Variants in USP9Y observed in about 807,000 individuals in gnomAD.
USP9Y encodes the protein ubiquitin specific peptidase 9 Y-linked.
Under a neutral mutation model 53.1 loss-of-function variants are expected in USP9Y, and 41 were observed. The observed-to-expected ratio is 0.77, with a 90% confidence interval of 0.60 to 1.00. USP9Y has a LOEUF of 1.00. Among genes scored for constraint, USP9Y ranks in the 50% least tolerant of loss-of-function variants. USP9Y has a pLI of 0.00. For missense variants in USP9Y, 567 were observed against 535.8 expected (o/e 1.06, Z -0.58); for synonymous variants, 220 against 173.7 (o/e 1.27, Z -2.09).
chrY:12,801,236 A>G, intron 27 of USP9Y, among the ~76,000 whole-genome samples: 1 of 33,682 alleles, frequency 3.0e-5, no homozygotes, highest in Non-Finnish European at 7.3e-5. Context: ...AAATCCCGCA[A>G]CAATACCTAA....
chrY:12,809,852 C>T (rs2053528010), intron 27 of USP9Y, among the ~76,000 whole-genome samples: 1 of 32,777 alleles, frequency 3.1e-5, no homozygotes, highest in Non-Finnish European at 7.5e-5. Flanking sequence ...AAATAAGAGG[C>T]TTATATTTTA....
intron 33 of USP9Y, among the ~76,000 whole-genome samples, chrY:12,823,545 T>A: frequency 3.0e-5 from 1 of 32,842 alleles, no homozygotes; most frequent in East Asian, 8.0e-4. Flanking sequence ...GGTTTTTAGT[T>A]TCTGTGTCTA....
At chrY:12,836,949 G>T (rs776846774) in intron 34 of USP9Y, among the ~76,000 whole-genome samples, 184 of 32,484 alleles carry the variant, frequency 5.7e-3, no homozygotes, top group African/African-American at 0.022. Context: ...GTGGCGATCC[G>T]CCTGCTTTGG....
chrY:12,858,725 T>G (rs2053580167), intron 45 of USP9Y, among the ~76,000 whole-genome samples: 1 of 33,425 alleles, frequency 3.0e-5, no homozygotes, highest in Admixed American at 2.7e-4. Context: ...CCAAGACTTT[T>G]TTATTTTAGA....
intron 12 of USP9Y, among the ~76,000 whole-genome samples, chrY:12,740,078 G>A (rs1603197235): frequency 3.0e-5 from 1 of 33,156 alleles, no homozygotes; most frequent in East Asian, 7.7e-4. Context: ...CAATGGTCTC[G>A]CTGGTTTTTA....
intron 2 of USP9Y, among the ~76,000 whole-genome samples, chrY:12,709,059 A>G (rs2148278823): frequency 3.0e-5 from 1 of 33,114 alleles, no homozygotes; most frequent in Non-Finnish European, 7.5e-5. Flanking sequence ...CAGCCTCCCA[A>G]GTAGCCCAGA....
intron 24 of USP9Y, 62 bp downstream of exon 24, chrY:12,786,862 CT>C (rs2053503067): frequency 4.0e-6 from 1 of 249,434 alleles, no homozygotes; most frequent in African/African-American, 7.8e-5. Context: ...AATGTAAACT[CT>C]GTAATAATTA....
intron 19 of USP9Y, 48 bp from the exon 20 acceptor site, chrY:12,777,971 G>GT (rs769402800): frequency 1.8e-5 from 6 of 329,741 alleles, no homozygotes; most frequent in East Asian, 1.0e-4. Context: ...TATCATTGTG[G>GT]TTTTTTCTTT....
In USP9Y at chrY:12,790,502, C is replaced by T. The variant is rs1225664861; in HGVS notation, c.3657C>T (p.Ser1219=). ...PSSECVLRNE[S]ILLAQEISNE... ...CCGAGTGCGTACTTAGAAATGAGTC[C>T]ATACTTCTTGCTCAGGAAATATCTA... The change falls in exon 25 of 46, where the codon TCC becomes TCT. Residue 1219 remains serine, a synonymous_variant. Coordinates refer to ENST00000338981, the MANE Select transcript of USP9Y (RefSeq NM_004654.4). 2 of 396,381 alleles carry T rather than the reference C, an allele frequency of 5.0e-6. No homozygotes were observed.
intron 27 of USP9Y, among the ~76,000 whole-genome samples, chrY:12,800,518 A>G (rs2053518209): frequency 2.9e-5 from 1 of 34,216 alleles, no homozygotes; most frequent in Non-Finnish European, 7.3e-5. Flanking sequence ...TTAGACAGAC[A>G]AGAAGACAGG....
chrY:12,774,962 G>A (rs538497354), intron 17 of USP9Y, among the ~76,000 whole-genome samples: 104 of 33,344 alleles, frequency 3.1e-3, no homozygotes, highest in African/African-American at 0.011. Flanking sequence ...AGGAAAGCTT[G>A]CATTTCTTTG....
intron 17 of USP9Y, among the ~76,000 whole-genome samples, chrY:12,774,898 C>G: frequency 1.2e-4 from 4 of 33,314 alleles, no homozygotes; most frequent in African/African-American, 4.7e-4. Context: ...AACATTTTAA[C>G]TAGTAGTAAC....
chrY:12,740,796 T>C (rs2148282316), intron 12 of USP9Y, among the ~76,000 whole-genome samples: 1 of 33,057 alleles, frequency 3.0e-5, no homozygotes, highest in South Asian at 6.9e-4. Context: ...TCTGAAACAG[T>C]GATGCACCAA....
Position 12,701,843 on chromosome Y carries a change from G to C in USP9Y, c.-333G>C. On this transcript the variant is annotated 5_prime_UTR_variant, in exon 1 of 46. Transcript: ENST00000338981. ...TGAGGAAGACACACCAGATATTTAG[G>C]AGGGAATTAGCGAGCTTGAAACTAA... 3.0e-5 allele frequency: 1 copy of C among 33,726 alleles called. No homozygotes were observed. The highest frequency in any genetic ancestry group is 2.7e-4 in the Admixed American group (1 of 3,719). The allele number at this position is 33,726 out of a possible 400,897, so 8.4% of individuals were successfully genotyped here. A position where few individuals can be genotyped will look rare whatever the true frequency, so the allele number is the denominator to read the frequency against.
chrY:12,828,340 A>G, intron 33 of USP9Y, among the ~76,000 whole-genome samples: 1 of 34,053 alleles, frequency 2.9e-5, no homozygotes, highest in Non-Finnish European at 7.3e-5. Flanking sequence ...GAAGTGAACA[A>G]TGTTAAAGAC....
chrY:12,839,849 C>T lies in USP9Y; in HGVS notation c.5338-15C>T. On this transcript the variant is annotated splice_polypyrimidine_tract_variant and intron_variant, in intron 35 of 45. Transcript: ENST00000338981. ...TTACAAGAGAACATTTGTTTATATT[C>T]TCTGTTTATTATAGGTTGACACAGT... The T allele has an allele frequency of 5.1e-6, 2 of 394,817 alleles. No homozygotes were observed. Among genetic ancestry groups the T allele is most frequent in the Non-Finnish European group, 7.1e-6 (2 of 280,439 alleles).
intron 12 of USP9Y, among the ~76,000 whole-genome samples, chrY:12,740,289 T>C: frequency 3.0e-5 from 1 of 33,509 alleles, no homozygotes; most frequent in African/African-American, 1.2e-4. Context: ...ATGCCCTGGG[T>C]AAACTCCTGA....
chrY:12,783,347 G>A (rs1603199921), intron 22 of USP9Y, among the ~76,000 whole-genome samples: 1 of 33,278 alleles, frequency 3.0e-5, no homozygotes, highest in East Asian at 7.9e-4. Context: ...ACATTGTAGG[G>A]TTATTAATTG....
chrY:12,821,557 G>T (rs2148290177), intron 33 of USP9Y, among the ~76,000 whole-genome samples: 1 of 32,433 alleles, frequency 3.1e-5, no homozygotes, highest in South Asian at 6.9e-4. Context: ...ACTGGGTCAT[G>T]TGGTAATTCT....
Sources: allele counts gnomAD v4.1 joint callset (sites outside exome capture counted in the v4.1 genomes callset), GRCh38; gene constraint gnomAD v4.1.1; transcripts MANE v1.5; gene names NCBI Gene and HGNC (gene_info 2026-07-23, HGNC 2026-07-21).